The following NCOA1 variants were observed in gnomAD, a reference collection of about 807,000 sequenced individuals.
NCOA1 encodes Hin-2 protein.
Under a neutral mutation model 150.9 loss-of-function variants are expected in NCOA1, and 35 were observed. The observed-to-expected ratio is 0.23, with a 90% confidence interval of 0.18 to 0.31. The LOEUF (loss-of-function observed/expected upper bound fraction) is 0.31, where lower values mean the gene tolerates loss of function less well. NCOA1 is among the 10% of genes least tolerant of loss of function. The pLI is 1.00. For synonymous variants in NCOA1, 590 were observed against 630.0 expected, an observed-to-expected ratio of 0.94 and a Z score of 0.95; for missense variants, 1,491 against 1,749.3, an observed-to-expected ratio of 0.85 and a Z score of 2.63.
Position 24,508,388 on chromosome 2 carries a change from C to T in NCOA1, c.-396+16786C>T, listed in dbSNP as rs1361833954. Among the ~76,000 whole-genome samples the T allele has an allele frequency of 4.0e-5, 6 of 151,808 alleles. 1 individual carries two copies. In the East Asian group the frequency reaches 5.8e-4, roughly 15 times the overall value. Reference sequence around the variant, plus strand: ...GTAAAGTCTATATATGTTGTTGTTGCCTTTCTTTTACAAACCAGAACATTC... The same window carrying T: ...GTAAAGTCTATATATGTTGTTGTTGTCTTTCTTTTACAAACCAGAACATTC... On this transcript the variant is annotated intron_variant, in intron 1 of 22. Transcript: ENST00000348332.
intron 14 of NCOA1, among the ~76,000 whole-genome samples, chr2:24,725,390 T>C (rs1674565000): frequency 6.6e-6 from 1 of 152,180 alleles, no homozygotes; most frequent in Non-Finnish European, 1.5e-5. Flanking sequence ...GAGATGGCCC[T>C]CTTCTCTCTG....
intron 17 of NCOA1, among the ~76,000 whole-genome samples, chr2:24,736,758 C>T (rs1487669651): frequency 1.3e-5 from 2 of 152,210 alleles, no homozygotes; most frequent in African/African-American, 2.4e-5. Flanking sequence ...GGATGTTTAG[C>T]AGCATTCCTG....
chr2:24,610,124 C>CTTTTTTTTTTTTT (rs775178797), intron 3 of NCOA1, among the ~76,000 whole-genome samples: 3 of 90,212 alleles, frequency 3.3e-5, no homozygotes, highest in African/African-American at 8.6e-5. Flanking sequence ...AGGCTGCATT[C>CTTTTTTTTTTTTT]TTTTTTTTTT....
intron 3 of NCOA1, among the ~76,000 whole-genome samples, chr2:24,641,563 A>G (rs1009343412): frequency 1.3e-5 from 2 of 152,110 alleles, no homozygotes; most frequent in African/African-American, 4.8e-5. Flanking sequence ...ATGTTTGGTT[A>G]TATGAAAGTG....
At chr2:24,534,143 G>A (rs1665019738) in intron 1 of NCOA1, among the ~76,000 whole-genome samples, 1 of 152,188 alleles carries the variant, frequency 6.6e-6, no homozygotes, top group African/African-American at 2.4e-5. Context: ...TCTATTCAGA[G>A]ATTCAACTTC....
At chr2:24,668,015 AT>A (rs1302844449) in intron 6 of NCOA1, among the ~76,000 whole-genome samples, 2 of 152,176 alleles carry the variant, frequency 1.3e-5, no homozygotes, top group East Asian at 3.8e-4. Context: ...AGGGCAAGCG[AT>A]TTTGTTTGTT....
At chr2:24,591,265 A>G (rs554094724) in intron 3 of NCOA1, among the ~76,000 whole-genome samples, 1 of 152,324 alleles carries the variant, frequency 6.6e-6, no homozygotes, top group East Asian at 1.9e-4. Flanking sequence ...CTTAAGTAAA[A>G]CATAATAATA....
intron 6 of NCOA1, among the ~76,000 whole-genome samples, chr2:24,670,507 T>C (rs962214012): frequency 3.9e-5 from 6 of 152,118 alleles, no homozygotes; most frequent in Admixed American, 3.9e-4. Flanking sequence ...AGGAATAAAG[T>C]ACTGATAAAT....
rs555444942 is a variant in NCOA1 at position 24,581,574 on chromosome 2, T to C, written c.-259-2902T>C. Among the ~76,000 whole-genome samples the C allele has an allele frequency of 3.3e-4, 50 of 152,338 alleles. 1 individual carries two copies. Among genetic ancestry groups the C allele is most frequent in the African/African-American group, 1.2e-3 (50 of 41,588 alleles). On this transcript the variant is annotated intron_variant, in intron 2 of 22. Transcript: ENST00000348332. ...TGGAGAGAACAGGATTTTGTTTTGT[T>C]TGGCTGGTTGGTTTTGGGGGGAGTC...
intron 14 of NCOA1, among the ~76,000 whole-genome samples, chr2:24,720,749 G>A (rs551019268): frequency 6.0e-4 from 91 of 152,236 alleles, no homozygotes; most frequent in Middle Eastern, 3.4e-3. Context: ...ATATGATAGC[G>A]TATAAAGAGA....
In NCOA1 at chr2:24,729,703, G is replaced by T. The variant is rs1318116596; in HGVS notation, c.3089G>T (p.Gly1030Val). Residue 1030 changes from glycine (G) to valine (V), a missense_variant, in exon 17 of 23, where the codon GGT becomes GTT. By Grantham distance (109) the Gly-to-Val change is moderately radical. Coordinates refer to ENST00000348332, the MANE Select transcript of NCOA1 (RefSeq NM_003743.5). ...CCTGTTCAAGTAACACCTCCCCGAG[G>T]TGCTTTTTCACCTGGCATGGGCATG... ...TMPVQVTPPR[G>V]AFSPGMGMQP... 3.1e-6 allele frequency: 5 copies of T among 1,614,086 alleles called. No individual in the cohort carries two copies. The highest frequency in any genetic ancestry group is 2.2e-5 in the East Asian group (1 of 44,898).
intron 8 of NCOA1, among the ~76,000 whole-genome samples, chr2:24,683,617 A>G (rs1390654189): frequency 1.3e-5 from 2 of 152,160 alleles, no homozygotes; most frequent in African/African-American, 4.8e-5. Flanking sequence ...TCTAATTTCT[A>G]GTGTCTGTTC....
intron 1 of NCOA1, among the ~76,000 whole-genome samples, chr2:24,538,762 T>C (rs1026774444): frequency 4.6e-5 from 7 of 152,204 alleles, no homozygotes; most frequent in Non-Finnish European, 4.4e-5. Context: ...TTATTTGTCA[T>C]GTACGAGACT....
intron 2 of NCOA1, among the ~76,000 whole-genome samples, chr2:24,573,004 C>T (rs1443065357): frequency 6.6e-6 from 1 of 152,086 alleles, no homozygotes; most frequent in Non-Finnish European, 1.5e-5. Flanking sequence ...CCAATGAAAT[C>T]TGGATGCTCT....
intron 2 of NCOA1, among the ~76,000 whole-genome samples, chr2:24,578,613 T>G (rs1166427946): frequency 1.3e-5 from 2 of 152,196 alleles, no homozygotes; most frequent in Non-Finnish European, 2.9e-5. Flanking sequence ...AATAACTTTT[T>G]TTATACTTAC....
intron 3 of NCOA1, among the ~76,000 whole-genome samples, chr2:24,589,022 T>C (rs1175351198): frequency 6.6e-6 from 1 of 152,148 alleles, no homozygotes; most frequent in African/African-American, 2.4e-5. Flanking sequence ...TAAATAGTTG[T>C]GTTTGGATAT....
At chr2:24,582,511 G>T (rs1057199058) in intron 2 of NCOA1, among the ~76,000 whole-genome samples, 2 of 152,064 alleles carry the variant, frequency 1.3e-5, no homozygotes, top group Admixed American at 6.5e-5. Flanking sequence ...AGCTAATATT[G>T]TCAAAATGAC....
At chr2:24,630,838 T>A (rs1669674760) in intron 3 of NCOA1, among the ~76,000 whole-genome samples, 1 of 152,212 alleles carries the variant, frequency 6.6e-6, no homozygotes, top group African/African-American at 2.4e-5. Flanking sequence ...ATATTGCTAT[T>A]CTATTAGAAA....
chr2:24,678,206 AG>A (rs1338662961), intron 7 of NCOA1, among the ~76,000 whole-genome samples: 12 of 152,220 alleles, frequency 7.9e-5, no homozygotes, highest in African/African-American at 2.9e-4. Flanking sequence ...GTCCCTGCAA[AG>A]GACCATGATC....
Sources: allele counts gnomAD v4.1 joint callset (sites outside exome capture counted in the v4.1 genomes callset), GRCh38; gene constraint gnomAD v4.1.1; transcripts MANE v1.5; gene names NCBI Gene and HGNC (gene_info 2026-07-23, HGNC 2026-07-21).